Variants in GPR180 observed in about 807,000 individuals in gnomAD.
GPR180 encodes the protein G protein-coupled receptor 180, also known as integral membrane protein GPR180.
Under a neutral mutation model 52.6 loss-of-function variants are expected in GPR180, and 53 were observed. The observed-to-expected ratio is 1.01, with a 90% CI of 0.81 to 1.27. The LOEUF (loss-of-function observed/expected upper bound fraction) is 1.27. Ranked by LOEUF, GPR180 falls within the 50% of genes most tolerant of loss-of-function variation. GPR180 has a pLI of 0.00. For missense variants in GPR180, 533 were observed against 527.0 expected (o/e 1.01, Z -0.11); for synonymous variants, 200 against 193.1 (o/e 1.04, Z -0.30).
At chr13:94,612,148 T>A (rs372138194) in intron 2 of GPR180, 42 bp from the exon 3 acceptor site, 2 of 1,486,516 alleles carry the variant, frequency 1.3e-6, no homozygotes, top group Non-Finnish European at 1.9e-6. Context: ...TGAAACACAT[T>A]TGAGAATTTT....
At chr13:94,602,607 C>T (rs1889574650) in intron 1 of GPR180, among the ~76,000 whole-genome samples, 1 of 150,136 alleles carries the variant, frequency 6.7e-6, no homozygotes, top group African/African-American at 2.5e-5. Context: ...TACTTGGCTA[C>T]TAGGGCAGTA....
In GPR180 at chr13:94,616,213, T is replaced by C. The variant is rs76731752; in HGVS notation, c.506-2937T>C. 1.5e-4 allele frequency among the ~76,000 whole-genome samples: 23 copies of C among 152,312 alleles called. No individual in the cohort carries two copies. The East Asian group carries it at 4.0e-3, about 27-fold the overall frequency. On this transcript the variant is annotated intron_variant, in intron 3 of 8. Coordinates refer to ENST00000376958, the MANE Select transcript of GPR180 (RefSeq NM_180989.6). ...CCTTTTTCAGAACTGGGTCATAGCA[T>C]CATAAGAGAAATGTAAGTTGACATG...
chr13:94,604,236 A>G (rs990193177), intron 1 of GPR180, among the ~76,000 whole-genome samples: 4 of 152,068 alleles, frequency 2.6e-5, no homozygotes, highest in African/African-American at 9.7e-5. Context: ...TGGGAGGGTG[A>G]GGCAGGAGAA....
Position 94,633,695 on chromosome 13 carries a change from T to A in GPR180, c.*6524T>A, listed in dbSNP as rs553443490. ...ATGGTGTCTTTTTCTTGTAGTTTTT[T>A]TAATGCAGGTGGAATTATCAGTCTT... On this transcript the variant is annotated 3_prime_UTR_variant, in exon 9 of 9. Coordinates refer to ENST00000376958, the MANE Select transcript of GPR180 (RefSeq NM_180989.6). 6.6e-4 allele frequency: 100 copies of A among 152,182 alleles called. No individual in the cohort carries two copies. The highest frequency in any genetic ancestry group is 2.4e-3 in the African/African-American group (98 of 41,560). The allele number at this position is 152,182 out of a possible 1,614,324, so 9.4% of individuals were successfully genotyped here.
rs1278797937 is a variant in GPR180 at position 94,624,835 on chromosome 13, C to T, written c.1087-1131C>T. 5.9e-5 allele frequency among the ~76,000 whole-genome samples: 9 copies of T among 151,826 alleles called. No individual in the cohort carries two copies. In the East Asian group the frequency reaches 1.2e-3, roughly 20 times the overall value. On this transcript the variant is annotated intron_variant, in intron 7 of 8. Transcript: ENST00000376958. ...GGGATTACAGGCGTGAGCCACCGCACCCAGCCTTTCTTTTTTAAGATGGAG... is the reference window on the plus strand; with the variant it reads ...GGGATTACAGGCGTGAGCCACCGCATCCAGCCTTTCTTTTTTAAGATGGAG...
Position 94,601,923 on chromosome 13 carries a change from CGGGCATGGG to C in GPR180, c.-1_8del. On this transcript the variant is annotated start_lost and 5_prime_UTR_variant, in exon 1 of 9. Transcript: ENST00000376958. ...CGAGGCGTCGGTGCAGACCTGGAGACGGGCATGGGGGGGCTGCGGCTGCTGGCTGTGGCC... is the reference window on the plus strand; with the variant it reads ...CGAGGCGTCGGTGCAGACCTGGAGACGGGGCTGCGGCTGCTGGCTGTGGCC... The C allele has an allele frequency of 6.7e-7, 1 of 1,483,576 alleles. No individual in the cohort carries two copies. The highest frequency in any genetic ancestry group is 8.9e-7 in the Non-Finnish European group (1 of 1,121,950). The allele number at this position is 1,483,576 out of a possible 1,614,324, so 91.9% of individuals were successfully genotyped here.
chr13:94,617,858 A>C (rs1032688214), intron 3 of GPR180, among the ~76,000 whole-genome samples: 2 of 152,218 alleles, frequency 1.3e-5, no homozygotes, highest in Non-Finnish European at 2.9e-5. Context: ...GGTGTTAGAT[A>C]GAATGTAAAA....
intron 7 of GPR180, 56 bp downstream of exon 7, chr13:94,623,356 T>C: frequency 3.6e-6 from 5 of 1,390,452 alleles, no homozygotes; most frequent in Non-Finnish European, 5.0e-6. Context: ...TTCTGGTTTC[T>C]TTGGGAAGTT....
rs1419416339 is a variant in GPR180, at chr13:94,628,811, C to T, written c.*1640C>T. The T allele has an allele frequency of 6.6e-6, 1 of 151,960 alleles. No individual in the cohort carries two copies. Among genetic ancestry groups the T allele is most frequent in the Non-Finnish European group, 1.5e-5 (1 of 67,904 alleles). 9.4% of individuals were successfully genotyped at this position (151,960 alleles called of 1,614,324 possible). A position where few individuals can be genotyped will look rare whatever the true frequency, so the allele number is the denominator to read the frequency against. On this transcript the variant is annotated 3_prime_UTR_variant, in exon 9 of 9. Transcript: ENST00000376958. ...TTCTTTTATCATGTCTCGCTAATAACCCCAGCTATTGTCTGTTGTGTTCAG... is the reference window on the plus strand; with the variant it reads ...TTCTTTTATCATGTCTCGCTAATAATCCCAGCTATTGTCTGTTGTGTTCAG...
chr13:94,614,800 A>G (rs2139568319), intron 3 of GPR180, among the ~76,000 whole-genome samples: 1 of 152,344 alleles, frequency 6.6e-6, no homozygotes, highest in Middle Eastern at 3.4e-3. Flanking sequence ...ATGTTTAAAC[A>G]AGGGGCAAAA....
chr13:94,605,340 T>C (rs1246246627), intron 1 of GPR180, 51 bp from the exon 2 acceptor site: 1 of 1,575,018 alleles, frequency 6.3e-7, no homozygotes, highest in Admixed American at 1.7e-5. Context: ...TCCTCATGTC[T>C]CAGTTTCATG....
At chr13:94,603,249 C>T (rs1281503193) in intron 1 of GPR180, among the ~76,000 whole-genome samples, 2 of 152,100 alleles carry the variant, frequency 1.3e-5, no homozygotes, top group Admixed American at 6.5e-5. Context: ...CGGACTGTAA[C>T]CATACTTTGA....
chr13:94,603,948 AAAGG>A (rs1306307990), intron 1 of GPR180, among the ~76,000 whole-genome samples: 1 of 152,100 alleles, frequency 6.6e-6, no homozygotes, highest in Non-Finnish European at 1.5e-5. Context: ...TTTTTTTTAA[AAAGG>A]AAGCCAGACT....
At chr13:94,610,593 T>TA (rs1341697881) in intron 2 of GPR180, among the ~76,000 whole-genome samples, 12 of 152,212 alleles carry the variant, frequency 7.9e-5, no homozygotes, top group Admixed American at 6.5e-4. Context: ...CTCTTTTTGT[T>TA]ACACCCAGAA....
At chr13:94,620,291 C>A (rs540922518) in intron 5 of GPR180, among the ~76,000 whole-genome samples, 26 of 152,116 alleles carry the variant, frequency 1.7e-4, no homozygotes, top group African/African-American at 6.3e-4. Context: ...AAACTCACAT[C>A]AAAATATGCT....
chr13:94,609,956 C>T (rs1594472547), intron 2 of GPR180, among the ~76,000 whole-genome samples: 1 of 152,044 alleles, frequency 6.6e-6, no homozygotes, highest in South Asian at 2.1e-4. Flanking sequence ...TAACATTTTT[C>T]CAACTTTCCA....
rs1890028340 is a variant in GPR180 at position 94,633,594 on chromosome 13, A to G, written c.*6423A>G. On this transcript the variant is annotated 3_prime_UTR_variant, in exon 9 of 9. Transcript: ENST00000376958. ...TCTTATTGATTTGTTAAAACTCTTT[A>G]TAACAGAAATTGGTCATTTGTGATA... The G allele has an allele frequency of 6.6e-6, 1 of 151,270 alleles. No homozygotes were observed. The highest frequency in any genetic ancestry group is 2.4e-5 in the African/African-American group (1 of 41,122). The allele number at this position is 151,270 out of a possible 1,614,324, so 9.4% of individuals were successfully genotyped here. A position where few individuals can be genotyped will look rare whatever the true frequency, so the allele number is the denominator to read the frequency against.
At position 94,631,843 on chromosome 13, in the gene GPR180, A is replaced by T. The variant is rs1594483440; in HGVS notation, c.*4672A>T. ...ACATCAGTTACGAGAGGATTTCTCAAATTCTCACAGAGGCAGTTTCTCTTT... is the reference window on the plus strand; with the variant it reads ...ACATCAGTTACGAGAGGATTTCTCATATTCTCACAGAGGCAGTTTCTCTTT... On this transcript the variant is annotated 3_prime_UTR_variant, in exon 9 of 9. Coordinates refer to ENST00000376958, the MANE Select transcript of GPR180 (RefSeq NM_180989.6). The T allele has an allele frequency of 6.6e-6, 1 of 152,022 alleles. No homozygotes were observed. The highest frequency in any genetic ancestry group is 2.1e-4 in the South Asian group (1 of 4,812). The allele number at this position is 152,022 out of a possible 1,614,324, so 9.4% of individuals were successfully genotyped here.
At chr13:94,606,903 C>T (rs151239821) in intron 2 of GPR180, among the ~76,000 whole-genome samples, 4 of 152,366 alleles carry the variant, frequency 2.6e-5, no homozygotes, top group African/African-American at 9.6e-5. Context: ...CTGGGAAATA[C>T]ATGCAGATTC....
Sources: allele counts gnomAD v4.1 joint callset (sites outside exome capture counted in the v4.1 genomes callset), GRCh38; gene constraint gnomAD v4.1.1; transcripts MANE v1.5; gene names NCBI Gene and HGNC (gene_info 2026-07-23, HGNC 2026-07-21).